Variants in TMIGD3 observed in about 807,000 individuals in gnomAD.
TMIGD3 encodes the protein AD026 protein (AD026).
In TMIGD3, 21 loss-of-function variants were observed where a neutral mutation model predicts 28.1. The observed-to-expected ratio is 0.75, with a 90% CI of 0.53 to 1.08. The LOEUF (loss-of-function observed/expected upper bound fraction) is 1.08, where lower values mean the gene tolerates loss of function less well. Ranked by LOEUF, TMIGD3 falls within the 50% of genes least tolerant of loss-of-function variation. The pLI, the probability that TMIGD3 is intolerant of heterozygous loss-of-function variation, is 0.00. For synonymous variants in TMIGD3, 151 were observed against 162.1 expected, an observed-to-expected ratio of 0.93 and a Z score of 0.52; for missense variants, 416 against 435.6, an observed-to-expected ratio of 0.96 and a Z score of 0.40.
In TMIGD3 at chr1:111,525,850, C is replaced by T. The variant is rs147096767; in HGVS notation, c.108-35088G>A. 9.8e-3 allele frequency among the ~76,000 whole-genome samples: 1,488 copies of T among 152,186 alleles called. 33 individuals carry two copies. Among genetic ancestry groups the T allele is most frequent in the South Asian group, 0.09 (432 of 4,824 alleles). ...CTGCACTCCAGCCTGAGAGACAGAG[C>T]GAGACTCTGTCTCAAAACAAATAAA... On this transcript the variant is annotated intron_variant, in intron 1 of 5. Coordinates refer to the TMIGD3 transcript ENST00000369717.
intron 2 of TMIGD3, chr1:111,490,429 C>A (rs548782688): frequency 2.7e-4 from 147 of 553,260 alleles, no homozygotes; most frequent in African/African-American, 2.5e-3. Context: ...AGTGCAGAGT[C>A]ATCATTTTAG....
upstream of TMIGD3, chr1:111,504,770 C>A: frequency 1.3e-6 from 1 of 752,256 alleles, no homozygotes; most frequent in Non-Finnish European, 1.6e-6. Flanking sequence ...CATCAGGGTC[C>A]TCTTGTTAGT....
chr1:111,488,571 A>C (rs1307559790), intron 3 of TMIGD3, 106 bp downstream of exon 3: 2 of 1,005,632 alleles, frequency 2.0e-6, no homozygotes, highest in African/African-American at 3.2e-5. Context: ...CAAAGTACCC[A>C]GTGGGAGTCT....
At chr1:111,515,293 T>C (rs1396659598) in intron 1 of TMIGD3, among the ~76,000 whole-genome samples, 1 of 152,110 alleles carries the variant, frequency 6.6e-6, no homozygotes, top group Non-Finnish European at 1.5e-5. Flanking sequence ...TCCTTCCTGA[T>C]TTCACTGGGG....
At chr1:111,496,715 T>C (rs1654900954) in intron 1 of TMIGD3, among the ~76,000 whole-genome samples, 1 of 152,220 alleles carries the variant, frequency 6.6e-6, no homozygotes, top group Admixed American at 6.5e-5. Flanking sequence ...TCATTAAAAT[T>C]TTAATGTGCT....
At position 111,503,024 on chromosome 1, in the gene TMIGD3, G is replaced by T. The variant is rs778435396; in HGVS notation, c.331C>A (p.Arg111=). 1.9e-6 allele frequency: 3 copies of T among 1,614,088 alleles called. No individual in the cohort carries two copies. Among genetic ancestry groups the T allele is most frequent in the African/African-American group, 2.7e-5 (2 of 75,034 alleles). The change falls in exon 1 of 6, where the codon CGG becomes AGG. Residue 111 remains arginine (R), a synonymous_variant. Coordinates refer to ENST00000369716, the MANE Select transcript of TMIGD3 (RefSeq NM_020683.7). The stretch of plus-strand genomic sequence containing the variant: ...GGCTACCTGACGGTAAGCTTGACCC[G>T]CAAGTATCGGTCCACAGCGATGGCC... The part of the protein sequence containing the change: ...LLAIAVDRYL[R]VKLTVRFRIP...
At chr1:111,553,780 C>G (rs1657371185) in intron 1 of TMIGD3, among the ~76,000 whole-genome samples, 1 of 152,150 alleles carries the variant, frequency 6.6e-6, no homozygotes, top group South Asian at 2.1e-4. Flanking sequence ...CTTTCCTTTC[C>G]CCTTTTTTCC....
At chr1:111,531,037 C>T (rs1315300018) in intron 1 of TMIGD3, among the ~76,000 whole-genome samples, 1 of 152,156 alleles carries the variant, frequency 6.6e-6, no homozygotes, top group Non-Finnish European at 1.5e-5. Flanking sequence ...TTAGGCCAGG[C>T]ACAGTGAAGG....
Position 111,500,763 on chromosome 1 carries a change from G to A in TMIGD3, c.350+2242C>T, listed in dbSNP as rs572948825. The A allele has an allele frequency of 5.0e-4, 290 of 576,094 alleles. 1 individual carries two copies. In the African/African-American group the frequency reaches 5.1e-3, roughly 10 times the overall value. The allele number at this position is 576,094 out of a possible 1,614,324, so 35.7% of individuals were successfully genotyped here. On this transcript the variant is annotated intron_variant, in intron 1 of 5. Transcript: ENST00000369716. ...TACGAAGACAAGATGAGCAGACAACGATTGGAGAAAAATCCAGGAAACTTC... is the reference window on the plus strand; with the variant it reads ...TACGAAGACAAGATGAGCAGACAACAATTGGAGAAAAATCCAGGAAACTTC...
chr1:111,540,227 G>A (rs1018929293), intron 1 of TMIGD3, among the ~76,000 whole-genome samples: 2 of 152,218 alleles, frequency 1.3e-5, no homozygotes, highest in African/African-American at 2.4e-5. Context: ...CATTTTGTGT[G>A]AGTTCTGCAA....
At chr1:111,541,915 A>G (rs1410718678) in intron 1 of TMIGD3, among the ~76,000 whole-genome samples, 1 of 152,226 alleles carries the variant, frequency 6.6e-6, no homozygotes, top group Non-Finnish European at 1.5e-5. Context: ...TCCTAAGTCA[A>G]AATTGAAACA....
At position 111,543,137 on chromosome 1, in the gene TMIGD3, C is replaced by T. The variant is rs183990816; in HGVS notation, c.107+20709G>A. Among the ~76,000 whole-genome samples the T allele has an allele frequency of 4.6e-5, 7 of 152,274 alleles. No individual in the cohort carries two copies. In the East Asian group the frequency reaches 9.6e-4, roughly 21 times the overall value. ...ACACAGACACATACACAGAGAGACA[C>T]ACACACAGCGCAGGTGACAGCTCTT... On this transcript the variant is annotated intron_variant, in intron 1 of 5. Coordinates refer to the TMIGD3 transcript ENST00000369717.
intron 1 of TMIGD3, chr1:111,500,641 AG>A: frequency 6.4e-6 from 8 of 1,256,456 alleles, no homozygotes; most frequent in Non-Finnish European, 9.1e-6. Context: ...AGAGAGAGAG[AG>A]GTGAGATAAG....
In TMIGD3 at chr1:111,500,262, G is replaced by C. The variant is rs546290963; in HGVS notation, c.350+2743C>G. The C allele has an allele frequency of 2.5e-6, 4 of 1,614,174 alleles. No homozygotes were observed. The African/African-American group carries it at 4.0e-5, about 16-fold the overall frequency. On this transcript the variant is annotated intron_variant, in intron 1 of 5. Coordinates refer to ENST00000369716, the MANE Select transcript of TMIGD3 (RefSeq NM_020683.7). ...GTCCATAAAATGCACCTGTCTCTTTGGAGTTAGATAAGTTCAGACTGAGTT... is the reference window on the plus strand; with the variant it reads ...GTCCATAAAATGCACCTGTCTCTTTCGAGTTAGATAAGTTCAGACTGAGTT...
chr1:111,507,216 G>C (rs1271529017), upstream of TMIGD3, among the ~76,000 whole-genome samples: 1 of 151,690 alleles, frequency 6.6e-6, no homozygotes, highest in African/African-American at 2.4e-5. Flanking sequence ...GAGGCCAGGA[G>C]CTCAAGACCA....
intron 2 of TMIGD3, chr1:111,489,697 C>T: frequency 1.9e-6 from 2 of 1,072,292 alleles, no homozygotes; most frequent in Non-Finnish European, 2.3e-6. Context: ...TAGCTCCCAC[C>T]CTACCTTAGC....
chr1:111,547,763 C>G (rs1371097151), intron 1 of TMIGD3, among the ~76,000 whole-genome samples: 2 of 152,132 alleles, frequency 1.3e-5, no homozygotes, highest in Non-Finnish European at 2.9e-5. Flanking sequence ...CAAAATTGAC[C>G]TTGTTTGATG....
chr1:111,542,402 G>A (rs1335787289), intron 1 of TMIGD3: 2 of 236,434 alleles, frequency 8.5e-6, no homozygotes, highest in African/African-American at 4.6e-5. Context: ...GCTGCCTGAG[G>A]ACCTCCATTT....
rs571155960 is a variant in TMIGD3 at position 111,483,772 on chromosome 1, A to G, written c.974-15T>C. 2 of 1,610,966 alleles carry G rather than the reference A, an allele frequency of 1.2e-6. No homozygotes were observed. The highest frequency in any genetic ancestry group is 2.2e-5 in the East Asian group (1 of 44,864). On this transcript the variant is annotated splice_polypyrimidine_tract_variant and intron_variant, in intron 5 of 5. Coordinates refer to ENST00000369716, the MANE Select transcript of TMIGD3 (RefSeq NM_020683.7). ...AGTGTTGCCTACTTTGTTGGGGAAT[A>G]GAAAGGGAAAATGGAGTTGAGATCT... is the stretch of plus-strand genomic sequence containing the variant.
Sources: gnomAD v4.1 joint callset for allele counts (sites outside exome capture counted in the v4.1 genomes callset) on GRCh38, gnomAD v4.1.1 for gene constraint, MANE v1.5 for transcripts, NCBI Gene and HGNC (gene_info 2026-07-23, HGNC 2026-07-21) for gene names.